C10orf105: variants seen among roughly 807,000 people sequenced by gnomAD.
The protein encoded by C10orf105 is chromosome 10 open reading frame 105, also known as uncharacterized protein C10orf105.
A neutral mutation model predicts 0.6 loss-of-function variants in C10orf105; 2 were observed. That is an observed-to-expected ratio of 3.18 (90% confidence interval 1.30 to 10.01). C10orf105 has a LOEUF of 10.01. C10orf105 is among the 30% of genes most tolerant of loss of function. The probability of loss-of-function intolerance (pLI) is 0.04; values close to 1 mark genes in which losing one functional copy is unlikely to be tolerated. For missense variants in C10orf105, 209 were observed against 191.4 expected, an observed-to-expected ratio of 1.09 and a Z score of -0.54; for synonymous variants, 95 against 82.4, an observed-to-expected ratio of 1.15 and a Z score of -0.83.
rs1839419454 is a variant in C10orf105, at chr10:71,732,327, C to T, written c.-6+5401G>A. 2.5e-6 allele frequency: 4 copies of T among 1,592,976 alleles called. No homozygotes were observed. The South Asian group carries it at 4.5e-5, about 18-fold the overall frequency. On this transcript the variant is annotated intron_variant, in intron 1 of 1. Coordinates refer to the C10orf105 transcript ENST00000398786. The stretch of plus-strand genomic sequence containing the variant: ...ACCAAATCACGTACCGCTTCAACGC[C>T]TACACCAGCACCCAGGCCAAAGCCC...
chr10:71,721,181 G>A (rs1866538862), upstream of C10orf105, among the ~76,000 whole-genome samples: 1 of 152,200 alleles, frequency 6.6e-6, no homozygotes, highest in Non-Finnish European at 1.5e-5. Flanking sequence ...CATGCTCTGG[G>A]CAACGTGGCT....
At position 71,712,712 on chromosome 10, in the gene C10orf105, G is replaced by T. The variant is rs368487578; in HGVS notation, c.*3224C>A. 11 of 1,613,710 alleles carry T rather than the reference G, an allele frequency of 6.8e-6. No homozygotes were observed. Among genetic ancestry groups the T allele is most frequent in the South Asian group, 3.3e-5 (3 of 91,072 alleles). On this transcript the variant is annotated 3_prime_UTR_variant, in exon 2 of 2. Transcript: ENST00000441508. ...ACACACGGGCACAGCCACCGTGTTC[G>T]TCACTGTCCTGGATGTGAATGACAA...
chr10:71,724,195 G>A (rs962934170), upstream of C10orf105: 9 of 1,403,394 alleles, frequency 6.4e-6, no homozygotes, highest in South Asian at 8.6e-5. Flanking sequence ...GGGAGATGAG[G>A]CCAAGAGAAC....
In C10orf105 at chr10:71,712,485, G is replaced by A; in HGVS notation, c.*3451C>T. On this transcript the variant is annotated 3_prime_UTR_variant, in exon 2 of 2. Transcript: ENST00000441508. Reference sequence around the variant, plus strand: ...ATGGCTGGCACATGGTGTTATCTAAGTATTTGATACTGTTAGTGTTATTCC... The same window carrying A: ...ATGGCTGGCACATGGTGTTATCTAAATATTTGATACTGTTAGTGTTATTCC... 1.6e-6 allele frequency: 1 copy of A among 617,874 alleles called. No homozygotes were observed. Among genetic ancestry groups the A allele is most frequent in the Middle Eastern group, 3.3e-4 (1 of 2,998 alleles). 38.3% of individuals were successfully genotyped at this position (617,874 alleles called of 1,614,324 possible).
chr10:71,723,986 C>T (rs887360491), upstream of C10orf105: 17 of 1,538,334 alleles, frequency 1.1e-5, no homozygotes, highest in Admixed American at 2.0e-5. Context: ...ACTCTAAAAA[C>T]CTCTTCTCTC....
At position 71,711,764 on chromosome 10, in the gene C10orf105, C is replaced by T. The variant is rs1865977849; in HGVS notation, c.*4172G>A. 6.6e-6 allele frequency: 1 copy of T among 152,138 alleles called. No homozygotes were observed. The highest frequency in any genetic ancestry group is 1.5e-5 in the Non-Finnish European group (1 of 68,028). 9.4% of individuals were successfully genotyped at this position (152,138 alleles called of 1,614,324 possible). A position where few individuals can be genotyped will look rare whatever the true frequency, so the allele number is the denominator to read the frequency against. On this transcript the variant is annotated 3_prime_UTR_variant, in exon 2 of 2. Transcript: ENST00000441508. ...AGATGTTCAATTTCTCATGAGAAAT[C>T]AGAAGATCTGGTGTCTCTGGGCCCA... is the stretch of plus-strand genomic sequence containing the variant.
At chr10:71,726,323 T>C (rs1414258895) in intron 1 of C10orf105, among the ~76,000 whole-genome samples, 2 of 151,850 alleles carry the variant, frequency 1.3e-5, no homozygotes, top group African/African-American at 4.8e-5. Context: ...CAGAACTGAG[T>C]GCCCGGCTCC....
upstream of C10orf105, among the ~76,000 whole-genome samples, chr10:71,720,801 C>T (rs1866522638): frequency 6.6e-6 from 1 of 152,210 alleles, no homozygotes; most frequent in South Asian, 2.1e-4. Flanking sequence ...CCCCCGTCTT[C>T]TCTCAGATGA....
At chr10:71,723,138 G>T (rs1460439038), upstream of C10orf105, among the ~76,000 whole-genome samples, 1 of 152,204 alleles carries the variant, frequency 6.6e-6, no homozygotes, top group African/African-American at 2.4e-5. Context: ...AGACCCAAAA[G>T]AAGTGGGAGA....
At position 71,716,291 on chromosome 10, in the gene C10orf105, G is replaced by T. The variant is rs764039754; in HGVS notation, c.47C>A (p.Pro16His). The change falls in exon 2 of 2, where the codon CCC becomes CAC. Residue 16 changes from proline (P) to histidine (H), a missense_variant. Pro to His is a moderately conservative substitution (Grantham distance 77). Transcript: ENST00000441508. Reference sequence around the variant, plus strand: ...GACGGGAGCTGAGAGAAAGGCGAGGGGGCTGATGGCTGGGGAGCTGGCGAG... The same window carrying T: ...GACGGGAGCTGAGAGAAAGGCGAGGTGGCTGATGGCTGGGGAGCTGGCGAG... Reference protein sequence around the residue: ...PSLASSPAISPLAFLSAPVTP... With the variant: ...PSLASSPAISHLAFLSAPVTP... The T allele has an allele frequency of 2.0e-6, 3 of 1,522,396 alleles. No homozygotes were observed. The highest frequency in any genetic ancestry group is 1.4e-5 in the African/African-American group (1 of 72,242). The allele number at this position is 1,522,396 out of a possible 1,614,324, so 94.3% of individuals were successfully genotyped here.
chr10:71,728,606 C>T (rs1866918786), intron 1 of C10orf105, among the ~76,000 whole-genome samples: 1 of 152,190 alleles, frequency 6.6e-6, no homozygotes, highest in African/African-American at 2.4e-5. Flanking sequence ...AGAGGCCCCT[C>T]CCTTAGTGCT....
At chr10:71,724,672 A>G (rs142710448), upstream of C10orf105, among the ~76,000 whole-genome samples, 2 of 152,326 alleles carry the variant, frequency 1.3e-5, no homozygotes, top group African/African-American at 4.8e-5. Context: ...TGGCCCTGAC[A>G]GAGAGGGCCC....
At chr10:71,734,778 C>A in intron 1 of C10orf105, 1 of 587,854 alleles carries the variant, frequency 1.7e-6, no homozygotes, top group Non-Finnish European at 3.1e-6. Flanking sequence ...GACAGGCCTG[C>A]AGCAGGCCCC....
At chr10:71,727,554 C>T (rs992718518) in intron 1 of C10orf105, among the ~76,000 whole-genome samples, 2 of 152,218 alleles carry the variant, frequency 1.3e-5, no homozygotes, top group African/African-American at 4.8e-5. Flanking sequence ...CCATCCACAT[C>T]CTCCAGTTCC....
rs1866119118 is a variant in C10orf105 at position 71,714,387 on chromosome 10, C to T, written c.*1549G>A. ...TGGGGAGTCAAAGTGAGGGGCTGGA[C>T]AATGTCTGGCTCTCTGCAAGCTCCC... On this transcript the variant is annotated 3_prime_UTR_variant, in exon 2 of 2. Coordinates refer to ENST00000441508, the MANE Select transcript of C10orf105 (RefSeq NM_001164375.3). 1.3e-5 allele frequency: 2 copies of T among 152,166 alleles called. No individual in the cohort carries two copies. The highest frequency in any genetic ancestry group is 4.8e-5 in the African/African-American group (2 of 41,408). 9.4% of individuals were successfully genotyped at this position (152,166 alleles called of 1,614,324 possible). A position where few individuals can be genotyped will look rare whatever the true frequency, so the allele number is the denominator to read the frequency against.
chr10:71,732,110 T>A lies in C10orf105; in HGVS notation c.-6+5618A>T, dbSNP rs760652752. ...GACTACGAGACCAAGACCAGCTACA[T>A]GATGAATGTGTCGGCCACTGACCAG... On this transcript the variant is annotated intron_variant, in intron 1 of 1. Coordinates refer to the C10orf105 transcript ENST00000398786. 2 of 1,614,002 alleles carry A rather than the reference T, an allele frequency of 1.2e-6. No homozygotes were observed. Among genetic ancestry groups the A allele is most frequent in the Admixed American group, 3.3e-5 (2 of 60,030 alleles).
At chr10:71,734,383 C>T (rs552369908) in intron 1 of C10orf105, 13 of 1,561,090 alleles carry the variant, frequency 8.3e-6, no homozygotes, top group South Asian at 2.3e-5. Flanking sequence ...TGCGGCCCAT[C>T]GCTGGCCATG....
chr10:71,730,133 G>A (rs148763469), intron 1 of C10orf105, among the ~76,000 whole-genome samples: 19 of 152,252 alleles, frequency 1.2e-4, no homozygotes, highest in African/African-American at 1.7e-4. Flanking sequence ...CACCGCGCCC[G>A]GCCGAATTAT....
intron 1 of C10orf105, among the ~76,000 whole-genome samples, chr10:71,730,176 C>T (rs1385469286): frequency 6.6e-6 from 1 of 152,164 alleles, no homozygotes; most frequent in African/African-American, 2.4e-5. Flanking sequence ...AGCTGGGAAA[C>T]TGGGGGCCCC....
Sources: allele counts gnomAD v4.1 joint callset (sites outside exome capture counted in the v4.1 genomes callset), GRCh38; gene constraint gnomAD v4.1.1; transcripts MANE v1.5; gene names NCBI Gene and HGNC (gene_info 2026-07-23, HGNC 2026-07-21).